The following PTPRD variants were observed in gnomAD, a reference collection of about 807,000 sequenced individuals.
The protein encoded by PTPRD is receptor-type tyrosine-protein phosphatase delta.
PTPRD carries 34 observed loss-of-function variants against 214.5 expected under a neutral mutation model. That is an observed-to-expected ratio of 0.16 (90% CI 0.12 to 0.21). The LOEUF is 0.21. Ranked by LOEUF, PTPRD falls within the 10% of genes least tolerant of loss-of-function variation. PTPRD has a pLI of 1.00. For synonymous variants in PTPRD, 1,128 were observed against 845.7 expected, an observed-to-expected ratio of 1.33 and a Z score of -5.79; for missense variants, 2,545 against 2,398.7, an observed-to-expected ratio of 1.06 and a Z score of -1.27.
intron 2 of PTPRD, among the ~76,000 whole-genome samples, chr9:10,365,324 C>T (rs2097495299): frequency 6.6e-6 from 1 of 152,172 alleles, no homozygotes; most frequent in South Asian, 2.1e-4. Flanking sequence ...GCTAACGTAA[C>T]CCCTGACTAT....
rs1181403459 is a variant in PTPRD, at chr9:8,936,427, CAAAAAAAAA to C, written c.-104+82261_-104+82269del. ...AGGCAACAGAGCAAGACCCTGCCTCCAAAAAAAAAAAAAAAAAAAAAAAGAAGATGAAAA... is the reference window on the plus strand; with the variant it reads ...AGGCAACAGAGCAAGACCCTGCCTCCAAAAAAAAAAAAAAGAAGATGAAAA... On this transcript the variant is annotated intron_variant, in intron 11 of 45. Coordinates refer to ENST00000381196, the MANE Select transcript of PTPRD (RefSeq NM_002839.4). 1.8e-3 allele frequency among the ~76,000 whole-genome samples: 56 copies of C among 31,660 alleles called. No homozygotes were observed. In the South Asian group the frequency reaches 0.09, roughly 51 times the overall value. The allele number at this position is 31,660 out of a possible 152,430, so 20.8% of individuals were successfully genotyped here. A position where few individuals can be genotyped will look rare whatever the true frequency, so the allele number is the denominator to read the frequency against.
chr9:8,404,263 G>C (rs1325049068), intron 36 of PTPRD, among the ~76,000 whole-genome samples: 1 of 151,988 alleles, frequency 6.6e-6, no homozygotes, highest in African/African-American at 2.4e-5. Context: ...TGAGTAGCTG[G>C]GATTACAGGC....
chr9:8,434,301 T>A (rs2095249273), intron 35 of PTPRD, among the ~76,000 whole-genome samples: 1 of 152,160 alleles, frequency 6.6e-6, no homozygotes, highest in Non-Finnish European at 1.5e-5. Context: ...TTTTACAGTA[T>A]TTTTTACCTT....
chr9:9,316,391 C>A (rs948761798), intron 9 of PTPRD, among the ~76,000 whole-genome samples: 2 of 152,002 alleles, frequency 1.3e-5, no homozygotes, highest in Non-Finnish European at 2.9e-5. Flanking sequence ...TTAGAAAAAT[C>A]ATTTATAGTA....
intron 9 of PTPRD, among the ~76,000 whole-genome samples, chr9:9,268,229 TAAGAA>T (rs1941053373): frequency 6.6e-6 from 1 of 151,092 alleles, no homozygotes; most frequent in Non-Finnish European, 1.5e-5. Context: ...AATGAACTCT[TAAGAA>T]AAGAAATTAA....
Position 10,612,468 on chromosome 9 carries a change from A to C in PTPRD, c.-670T>G, listed in dbSNP as rs1022146236. On this transcript the variant is annotated 5_prime_UTR_variant, in exon 2 of 46. Transcript: ENST00000381196. ...TCTTTTCTTTCCTACCAGTCAAATA[A>C]AGAATTGTCTTTCTATTCCACACAG... 3.3e-5 allele frequency: 5 copies of C among 152,240 alleles called. No individual in the cohort carries two copies. Among genetic ancestry groups the C allele is most frequent in the African/African-American group, 4.8e-5 (2 of 41,436 alleles). The allele number at this position is 152,240 out of a possible 1,614,324, so 9.4% of individuals were successfully genotyped here. A position where few individuals can be genotyped will look rare whatever the true frequency, so the allele number is the denominator to read the frequency against.
intron 3 of PTPRD, among the ~76,000 whole-genome samples, chr9:10,208,252 G>A (rs2057473): frequency 2.0e-5 from 3 of 151,654 alleles, no homozygotes; most frequent in Non-Finnish European, 4.4e-5. Context: ...CGGTGGCTCA[G>A]GCCCGTAATC....
intron 7 of PTPRD, among the ~76,000 whole-genome samples, chr9:9,729,764 T>C (rs2098155399): frequency 6.6e-6 from 1 of 151,722 alleles, no homozygotes; most frequent in African/African-American, 2.4e-5. Flanking sequence ...AAAAAAAAAT[T>C]GTGAGAGAAC....
intron 11 of PTPRD, among the ~76,000 whole-genome samples, chr9:8,822,296 A>G (rs748254504): frequency 5.3e-5 from 8 of 152,170 alleles, no homozygotes; most frequent in Non-Finnish European, 1.2e-4. Flanking sequence ...CTGCCTTAGA[A>G]AGGGCTCTAG....
At chr9:9,842,126 T>C (rs775618763) in intron 5 of PTPRD, among the ~76,000 whole-genome samples, 37 of 152,032 alleles carry the variant, frequency 2.4e-4, no homozygotes, top group Non-Finnish European at 4.0e-4. Context: ...ATATTTTAAA[T>C]CATGAGTGAA....
chr9:8,786,160 T>C (rs761972215), intron 11 of PTPRD, among the ~76,000 whole-genome samples: 5 of 151,972 alleles, frequency 3.3e-5, no homozygotes, highest in Non-Finnish European at 5.9e-5. Flanking sequence ...AGCATTACTA[T>C]GGAAAATGGC....
chr9:10,579,874 C>T (rs755436462), intron 2 of PTPRD, among the ~76,000 whole-genome samples: 2 of 152,038 alleles, frequency 1.3e-5, no homozygotes, highest in Non-Finnish European at 2.9e-5. Context: ...AGCATTTTTT[C>T]ACGTGTTTGT....
chr9:9,259,407 C>G (rs1336408794), intron 9 of PTPRD, among the ~76,000 whole-genome samples: 2 of 151,916 alleles, frequency 1.3e-5, no homozygotes, highest in Non-Finnish European at 1.5e-5. Flanking sequence ...TCTGGAGATT[C>G]TGCTGTCTTT....
At chr9:9,825,846 T>A (rs540615952) in intron 5 of PTPRD, among the ~76,000 whole-genome samples, 1 of 151,948 alleles carries the variant, frequency 6.6e-6, no homozygotes, top group African/African-American at 2.4e-5. Context: ...TTCTTCCTTT[T>A]ATTAGTCAAT....
intron 2 of PTPRD, among the ~76,000 whole-genome samples, chr9:10,569,946 G>C (rs1044494750): frequency 1.3e-5 from 2 of 152,014 alleles, no homozygotes; most frequent in African/African-American, 2.4e-5. Flanking sequence ...CTCTGAATGT[G>C]TTTTTTATGA....
At chr9:9,772,827 T>G (rs2154483456) in intron 5 of PTPRD, among the ~76,000 whole-genome samples, 1 of 152,252 alleles carries the variant, frequency 6.6e-6, no homozygotes, top group African/African-American at 2.4e-5. Context: ...ATCAAAGTCT[T>G]AAAAAATATT....
chr9:9,363,874 A>G (rs2057065188), intron 9 of PTPRD, among the ~76,000 whole-genome samples: 1 of 151,434 alleles, frequency 6.6e-6, no homozygotes, highest in East Asian at 1.9e-4. Flanking sequence ...TTAATTATTT[A>G]CTTTGCATTA....
rs186626481 is a variant in PTPRD, at chr9:10,528,093, G to C, written c.-600+84305C>G. ...ACCCTATAACACACACACACACTGAGTTGAAAGCTCAGCAAGGGCAGGAGC... is the reference window on the plus strand; with the variant it reads ...ACCCTATAACACACACACACACTGACTTGAAAGCTCAGCAAGGGCAGGAGC... On this transcript the variant is annotated intron_variant, in intron 2 of 45. Transcript: ENST00000381196. Among the ~76,000 whole-genome samples, 3 of 152,244 alleles carry C rather than the reference G, an allele frequency of 2.0e-5. No homozygotes were observed. In the East Asian group the frequency reaches 5.8e-4, roughly 29 times the overall value.
intron 11 of PTPRD, among the ~76,000 whole-genome samples, chr9:8,965,147 G>A (rs574292709): frequency 2.0e-4 from 31 of 152,178 alleles, no homozygotes; most frequent in African/African-American, 7.2e-4. Flanking sequence ...GGAGGCCGAG[G>A]CAGGCAGATT....
Sources: gnomAD v4.1 joint callset for allele counts (sites outside exome capture counted in the v4.1 genomes callset) on GRCh38, gnomAD v4.1.1 for gene constraint, MANE v1.5 for transcripts, NCBI Gene and HGNC (gene_info 2026-07-23, HGNC 2026-07-21) for gene names.